SMUG1: variants seen among roughly 807,000 people sequenced by gnomAD.
SMUG1 encodes single-strand-selective monofunctional uracil-DNA glycosylase 1, also known as single-strand selective monofunctional uracil DNA glycosylase.
SMUG1 carries 13 observed loss-of-function variants against 23.9 expected under a neutral mutation model. The observed-to-expected ratio is 0.54, with a 90% CI of 0.35 to 0.86. The LOEUF (loss-of-function observed/expected upper bound fraction) is 0.86. SMUG1 is among the 40% of genes least tolerant of loss of function. The pLI is 0.01. For missense variants in SMUG1, 313 were observed against 339.5 expected (o/e 0.92, Z 0.61); for synonymous variants, 133 against 139.8 (o/e 0.95, Z 0.34).
chr12:54,159,148 TCAGCCCCAGCCC>T (rs761914252), intron 4 of SMUG1, among the ~76,000 whole-genome samples: 3 of 152,040 alleles, frequency 2.0e-5, no homozygotes, highest in South Asian at 2.1e-4. Flanking sequence ...GTTCAGGTTG[TCAGCCCCAGCCC>T]CAGCCCCAGC....
Position 54,181,846 on chromosome 12 carries a change from C to A in SMUG1, c.*250G>T, listed in dbSNP as rs1386392513. On this transcript the variant is annotated 3_prime_UTR_variant, in exon 4 of 4. Transcript: ENST00000682136. Reference sequence around the variant, plus strand: ...AAGCACACCTTCTGCAGATTCCCTACAAAGTGGGGTCCCCTGAAAGGGGCA... The same window carrying A: ...AAGCACACCTTCTGCAGATTCCCTAAAAAGTGGGGTCCCCTGAAAGGGGCA... 1 of 1,420,174 alleles carries A rather than the reference C, an allele frequency of 7.0e-7. No homozygotes were observed. Among genetic ancestry groups the A allele is most frequent in the Non-Finnish European group, 9.2e-7 (1 of 1,092,642 alleles). The allele number at this position is 1,420,174 out of a possible 1,614,324, so 88.0% of individuals were successfully genotyped here.
chr12:54,164,643 G>A (rs1260663907), downstream of SMUG1: 2 of 152,384 alleles, frequency 1.3e-5, no homozygotes, highest in African/African-American at 2.4e-5. Context: ...GCGGGGGAGG[G>A]GGAGGGGCTT....
Position 54,181,344 on chromosome 12 carries a change from A to G in SMUG1, c.*752T>C. On this transcript the variant is annotated 3_prime_UTR_variant, in exon 4 of 4. Coordinates refer to ENST00000682136, the MANE Select transcript of SMUG1 (RefSeq NM_001243787.2). ...TGTGAATCCTCAACCCAGAGGCAAG[A>G]AAACAAGAAGACTATGTAATGAGCA... 1 of 584,926 alleles carries G rather than the reference A, an allele frequency of 1.7e-6. No homozygotes were observed. The highest frequency in any genetic ancestry group is 3.0e-6 in the Non-Finnish European group (1 of 329,468). The allele number at this position is 584,926 out of a possible 1,614,324, so 36.2% of individuals were successfully genotyped here.
intron 2 of SMUG1, among the ~76,000 whole-genome samples, chr12:54,187,604 G>T (rs1942773020): frequency 6.6e-6 from 1 of 152,230 alleles, no homozygotes; most frequent in Non-Finnish European, 1.5e-5. Context: ...AGAGTGGCAA[G>T]ATACTACTTT....
At chr12:54,182,755 C>G (rs774126329) in intron 3 of SMUG1, 132 bp from the exon 4 acceptor site, 14 of 1,459,460 alleles carry the variant, frequency 9.6e-6, no homozygotes, top group Non-Finnish European at 1.3e-5. Flanking sequence ...CACCCAAAGG[C>G]CTGAGACAAG....
At chr12:54,164,368 CA>C (rs1940372606), downstream of SMUG1, 1 of 151,778 alleles carries the variant, frequency 6.6e-6, no homozygotes, top group Non-Finnish European at 1.5e-5. Flanking sequence ...TACTGAGGGG[CA>C]AAGTAAATGA....
chr12:54,183,897 C>T lies in SMUG1; in HGVS notation c.44G>A (p.Gly15Asp). The change falls in exon 3 of 4, where the codon GGT (glycine) becomes GAT (aspartate). Residue 15 changes from glycine (G) to aspartate (D), a missense_variant. Gly to Asp is a moderately conservative substitution (Grantham distance 94, BLOSUM62 -1). Transcript: ENST00000682136. ...FLLGSIHEPA[G>D]ALMEPQPCPG... is the part of the protein sequence containing the mutation. ...GCAGGGCTGGGGCTCCATGAGGGCACCTGCAGGCTCATGGATGGACCCCAG... is the reference window on the plus strand; with the variant it reads ...GCAGGGCTGGGGCTCCATGAGGGCATCTGCAGGCTCATGGATGGACCCCAG... The T allele has an allele frequency of 6.2e-7, 1 of 1,604,586 alleles. No individual in the cohort carries two copies. Among genetic ancestry groups the T allele is most frequent in the Non-Finnish European group, 8.5e-7 (1 of 1,175,728 alleles).
At position 54,172,026 on chromosome 12, in the gene SMUG1, T is replaced by G. The variant is rs1390980594; in HGVS notation, c.*51A>C. 2.2e-5 allele frequency: 10 copies of G among 452,642 alleles called. No homozygotes were observed. In the Admixed American group the frequency reaches 2.4e-4, roughly 11 times the overall value. The allele number at this position is 452,642 out of a possible 1,614,324, so 28.0% of individuals were successfully genotyped here. A position where few individuals can be genotyped will look rare whatever the true frequency, so the allele number is the denominator to read the frequency against. ...GTCCTGGCCCTCATCCCCTCTTACC[T>G]GATACTGCAATCAGCTCCTGACTGG... On this transcript the variant is annotated splice_region_variant and 3_prime_UTR_variant and NMD_transcript_variant, in exon 3 of 5. Transcript: ENST00000509864.
chr12:54,178,481 C>A (rs1320501825), downstream of SMUG1, among the ~76,000 whole-genome samples: 1 of 152,166 alleles, frequency 6.6e-6, no homozygotes, highest in Admixed American at 6.5e-5. Context: ...TTCAACCAGA[C>A]CTGCTATGCC....
rs537993657 is a variant in SMUG1 at position 54,181,981 on chromosome 12, C to A, written c.*115G>T. ...ACAGATCAAAGAATACGTTTCCCAGCGACCAGGGTGCACAGAAGGACCTTT... is the reference window on the plus strand; with the variant it reads ...ACAGATCAAAGAATACGTTTCCCAGAGACCAGGGTGCACAGAAGGACCTTT... On this transcript the variant is annotated 3_prime_UTR_variant, in exon 4 of 4. Coordinates refer to ENST00000682136, the MANE Select transcript of SMUG1 (RefSeq NM_001243787.2). 2.7e-6 allele frequency: 4 copies of A among 1,502,496 alleles called. No individual in the cohort carries two copies. Among genetic ancestry groups the A allele is most frequent in the African/African-American group, 1.4e-5 (1 of 71,538 alleles). The allele number at this position is 1,502,496 out of a possible 1,614,324, so 93.1% of individuals were successfully genotyped here. A position where few individuals can be genotyped will look rare whatever the true frequency, so the allele number is the denominator to read the frequency against.
intron 3 of SMUG1, among the ~76,000 whole-genome samples, chr12:54,171,859 G>A (rs149616641): frequency 1.3e-5 from 2 of 152,088 alleles, no homozygotes; most frequent in African/African-American, 4.8e-5. Flanking sequence ...CAAATCCATT[G>A]CTGTGGTCAC....
At position 54,181,920 on chromosome 12, in the gene SMUG1, T is replaced by C; in HGVS notation, c.*176A>G. The stretch of plus-strand genomic sequence containing the variant: ...GAATCAGGAGGGCAAACAGGAGTAG[T>C]GTCAAAACTGCCATGGCAGGTTGGA... On this transcript the variant is annotated 3_prime_UTR_variant, in exon 4 of 4. Transcript: ENST00000682136. The C allele has an allele frequency of 1.4e-6, 2 of 1,447,444 alleles. No homozygotes were observed. The highest frequency in any genetic ancestry group is 1.8e-6 in the Non-Finnish European group (2 of 1,103,150). The allele number at this position is 1,447,444 out of a possible 1,614,324, so 89.7% of individuals were successfully genotyped here. A position where few individuals can be genotyped will look rare whatever the true frequency, so the allele number is the denominator to read the frequency against.
Position 54,182,340 on chromosome 12 carries a change from A to C in SMUG1, c.569T>G (p.Leu190Arg). The change falls in exon 4 of 4, where the codon CTT becomes CGT. Residue 190 changes from leucine to arginine, a missense_variant. Physicochemically the swap from Leu to Arg is moderately radical, Grantham distance 102. Coordinates refer to ENST00000682136, the MANE Select transcript of SMUG1 (RefSeq NM_001243787.2). ...GAGGGCTGCATCACAGATCCCAAGA[A>C]GCTGTTCTCGCTGCTTGGCAGGCAG... ...AELPAKQREQ[L>R]LGICDAALCR... is the part of the protein sequence containing the mutation. The C allele has an allele frequency of 2.5e-6, 4 of 1,614,102 alleles. No homozygotes were observed. The South Asian group carries it at 4.4e-5, about 18-fold the overall frequency.
intron 4 of SMUG1, among the ~76,000 whole-genome samples, chr12:54,159,444 T>C (rs1186369190): frequency 6.6e-6 from 1 of 152,128 alleles, no homozygotes; most frequent in African/African-American, 2.4e-5. Flanking sequence ...AATGACCTTG[T>C]GGGGACTTCA....
At chr12:54,178,009 G>C (rs1237339391), downstream of SMUG1, among the ~76,000 whole-genome samples, 1 of 152,136 alleles carries the variant, frequency 6.6e-6, no homozygotes, top group Non-Finnish European at 1.5e-5. Flanking sequence ...AATAAGGGGG[G>C]ACCTAATCCA....
At chr12:54,161,904 G>A (rs1940278614), downstream of SMUG1, among the ~76,000 whole-genome samples, 1 of 152,200 alleles carries the variant, frequency 6.6e-6, no homozygotes, top group Non-Finnish European at 1.5e-5. This position sits in a 1 kb window ranked among gnomAD's most constrained non-coding sequence, Gnocchi z 4.2. Flanking sequence ...AGATAAATGA[G>A]GAGCATAAGA....
Position 54,181,788 on chromosome 12 carries a change from G to A in SMUG1, c.*308C>T, listed in dbSNP as rs566738503. ...TCTCAGCTGAATAAAGTCTCCCAAG[G>A]AAACACTGAGGTAGAGCAGTCTGCA... On this transcript the variant is annotated 3_prime_UTR_variant, in exon 4 of 4. Coordinates refer to ENST00000682136, the MANE Select transcript of SMUG1 (RefSeq NM_001243787.2). 4.0e-5 allele frequency: 58 copies of A among 1,438,560 alleles called. No individual in the cohort carries two copies. The highest frequency in any genetic ancestry group is 1.7e-4 in the Admixed American group (6 of 36,212). 89.1% of individuals were successfully genotyped at this position (1,438,560 alleles called of 1,614,324 possible). A position where few individuals can be genotyped will look rare whatever the true frequency, so the allele number is the denominator to read the frequency against.
chr12:54,185,672 A>G (rs959332639), intron 2 of SMUG1, among the ~76,000 whole-genome samples: 9 of 151,150 alleles, frequency 6.0e-5, no homozygotes, highest in African/African-American at 1.9e-4. Context: ...TTAGCTGGGC[A>G]TGGTGGCACG....
downstream of SMUG1, chr12:54,162,540 C>T (rs1276835943): frequency 1.3e-5 from 2 of 152,282 alleles, no homozygotes; most frequent in Non-Finnish European, 2.9e-5. Context: ...ACCCAAAGCT[C>T]GGCTCTTGGA....
Sources: allele counts gnomAD v4.1 joint callset (sites outside exome capture counted in the v4.1 genomes callset), GRCh38; gene constraint gnomAD v4.1.1; non-coding constraint Gnocchi (gnomAD v3.1); transcripts MANE v1.5; gene names NCBI Gene and HGNC (gene_info 2026-07-23, HGNC 2026-07-21).